CDH13: variants seen among roughly 807,000 people sequenced by gnomAD.
CDH13 encodes the protein cadherin 13.
CDH13 carries 24 observed loss-of-function variants against 63.8 expected under a neutral mutation model. That is an observed-to-expected ratio of 0.38 (90% CI 0.27 to 0.53). CDH13 has a LOEUF of 0.53. CDH13 is among the 20% of genes least tolerant of loss of function. CDH13 has a pLI of 0.85. For synonymous variants in CDH13, 503 were observed against 355.3 expected (o/e 1.42, Z -4.67); for missense variants, 1,049 against 903.1 (o/e 1.16, Z -2.07).
chr16:83,420,873 G>A (rs2071694382), intron 6 of CDH13, among the ~76,000 whole-genome samples: 1 of 152,202 alleles, frequency 6.6e-6, no homozygotes, highest in African/African-American at 2.4e-5. Flanking sequence ...TGTGAAGTCT[G>A]ATGTTCAAGG....
intron 3 of CDH13, among the ~76,000 whole-genome samples, chr16:83,071,107 A>G (rs1270334924): frequency 1.3e-5 from 2 of 152,270 alleles, no homozygotes; most frequent in Admixed American, 1.3e-4. Flanking sequence ...TTTATTGATC[A>G]TAATAATGTA....
intron 6 of CDH13, among the ~76,000 whole-genome samples, chr16:83,461,024 A>G (rs1426835257): frequency 2.2e-5 from 2 of 90,394 alleles, no homozygotes; most frequent in Admixed American, 2.2e-4. Context: ...CACACACAGA[A>G]CAAACACTGC....
chr16:83,357,580 T>C (rs1271796262), intron 6 of CDH13, among the ~76,000 whole-genome samples: 1 of 152,154 alleles, frequency 6.6e-6, no homozygotes, highest in African/African-American at 2.4e-5. Flanking sequence ...AATGATTTTG[T>C]TCCCAGGAGA....
In CDH13 at chr16:83,580,488, C is replaced by G. The variant is rs899870702; in HGVS notation, c.961-21966C>G. The stretch of plus-strand genomic sequence containing the variant: ...TCTCTCTCTCTCTCTCTCTCTCTCT[C>G]TCTCTCTCTCTCTCTCTCTAAGTCA... On this transcript the variant is annotated intron_variant, in intron 7 of 13. Transcript: ENST00000567109. 9.4e-5 allele frequency among the ~76,000 whole-genome samples: 11 copies of G among 116,408 alleles called. 1 individual carries two copies. Among genetic ancestry groups the G allele is most frequent in the African/African-American group, 3.5e-4 (11 of 31,516 alleles). The allele number at this position is 116,408 out of a possible 152,430, so 76.4% of individuals were successfully genotyped here. A position where few individuals can be genotyped will look rare whatever the true frequency, so the allele number is the denominator to read the frequency against.
chr16:83,540,158 A>G (rs1474669569), intron 7 of CDH13, among the ~76,000 whole-genome samples: 1 of 149,452 alleles, frequency 6.7e-6, no homozygotes, highest in Non-Finnish European at 1.5e-5. Flanking sequence ...TCCGCCTCCC[A>G]GGTTGAAGCC....
intron 1 of CDH13, among the ~76,000 whole-genome samples, chr16:82,839,730 C>T (rs1597759865): frequency 6.6e-6 from 1 of 152,228 alleles, no homozygotes; most frequent in South Asian, 2.1e-4. Flanking sequence ...TGATGTTTGA[C>T]AAGCCAAGGA....
chr16:82,934,379 A>G (rs1224288867), intron 2 of CDH13, among the ~76,000 whole-genome samples: 5 of 152,178 alleles, frequency 3.3e-5, no homozygotes, highest in Non-Finnish European at 7.3e-5. Context: ...CTAAGTCCTT[A>G]GGCTGCACAC....
intron 4 of CDH13, among the ~76,000 whole-genome samples, chr16:83,178,604 A>AAAT (rs2038223064): frequency 2.6e-5 from 4 of 152,238 alleles, no homozygotes; most frequent in Admixed American, 2.6e-4. Context: ...TTTAAAAATG[A>AAAT]TCACTTTGTG....
chr16:83,338,527 G>A (rs2090650664), intron 5 of CDH13, among the ~76,000 whole-genome samples: 1 of 152,234 alleles, frequency 6.6e-6, no homozygotes, highest in Non-Finnish European at 1.5e-5. Context: ...CAGAGAGGTA[G>A]ACGTAAATTG....
intron 4 of CDH13, among the ~76,000 whole-genome samples, chr16:83,164,574 A>G (rs895882217): frequency 3.9e-5 from 6 of 151,932 alleles, no homozygotes; most frequent in African/African-American, 1.5e-4. Flanking sequence ...TACAGAAATT[A>G]GCCAGGCATG....
At chr16:83,700,423 G>A (rs184140910) in intron 10 of CDH13, among the ~76,000 whole-genome samples, 5 of 152,278 alleles carry the variant, frequency 3.3e-5, no homozygotes, top group South Asian at 2.1e-4. Context: ...TTTTTCTCCC[G>A]ATTAAAAATA....
At chr16:83,750,845 C>T (rs1038464366) in intron 11 of CDH13, among the ~76,000 whole-genome samples, 6 of 152,098 alleles carry the variant, frequency 3.9e-5, no homozygotes, top group East Asian at 1.9e-4. Context: ...AGATTTCTGT[C>T]GTGTAAGCCA....
chr16:83,095,660 C>T (rs1597326527), intron 3 of CDH13, among the ~76,000 whole-genome samples: 1 of 152,188 alleles, frequency 6.6e-6, no homozygotes, highest in African/African-American at 2.4e-5. Context: ...GGTGCACTAA[C>T]TTGTTAGTTG....
intron 2 of CDH13, among the ~76,000 whole-genome samples, chr16:82,943,951 A>G (rs969662829): frequency 6.6e-6 from 1 of 152,192 alleles, no homozygotes; most frequent in African/African-American, 2.4e-5. Flanking sequence ...GGGCCCAGGC[A>G]ATGTTGTCCT....
chr16:82,949,788 G>A (rs1905103655), intron 2 of CDH13, among the ~76,000 whole-genome samples: 1 of 152,050 alleles, frequency 6.6e-6, no homozygotes. Flanking sequence ...CTGTGTTACA[G>A]CCTCTTTGTG....
intron 7 of CDH13, among the ~76,000 whole-genome samples, chr16:83,594,922 G>T (rs1567792564): frequency 1.3e-5 from 2 of 152,162 alleles, no homozygotes; most frequent in Non-Finnish European, 2.9e-5. Context: ...AGTGAACCTG[G>T]CCTGTGTCTG....
chr16:83,655,217 T>C (rs1912762770), intron 8 of CDH13: 1 of 152,254 alleles, frequency 6.6e-6, no homozygotes, highest in Admixed American at 6.5e-5. Context: ...CCTTCCAGCC[T>C]GGCCTTTGGA....
At chr16:83,521,077 C>T (rs1027749965) in intron 7 of CDH13, among the ~76,000 whole-genome samples, 2 of 152,214 alleles carry the variant, frequency 1.3e-5, no homozygotes, top group Non-Finnish European at 2.9e-5. Context: ...AACATGCTCT[C>T]TTTTACTTCA....
intron 7 of CDH13, among the ~76,000 whole-genome samples, chr16:83,517,134 C>G (rs2074715016): frequency 6.6e-6 from 1 of 152,154 alleles, no homozygotes; most frequent in Non-Finnish European, 1.5e-5. Flanking sequence ...GACTACAGTT[C>G]TAGCATAAAA....
Sources: gnomAD v4.1 joint callset for allele counts (sites outside exome capture counted in the v4.1 genomes callset) on GRCh38, gnomAD v4.1.1 for gene constraint, MANE v1.5 for transcripts, NCBI Gene and HGNC (gene_info 2026-07-23, HGNC 2026-07-21) for gene names.